The following MCM9 variants were observed in gnomAD, a reference collection of about 807,000 sequenced individuals.
MCM9 encodes minichromosome maintenance 9 homologous recombination repair factor, also known as DNA helicase MCM9.
In MCM9, 55 loss-of-function variants were observed where a neutral mutation model predicts 72.8. The ratio of observed to expected loss-of-function variants is 0.76; its 90% CI spans 0.61 to 0.95. MCM9 has a LOEUF of 0.95. MCM9 is among the 40% of genes least tolerant of loss of function. The pLI is 0.00. For synonymous variants in MCM9, 480 were observed against 503.4 expected, an observed-to-expected ratio of 0.95 and a Z score of 0.62; for missense variants, 1,279 against 1,377.0, an observed-to-expected ratio of 0.93 and a Z score of 1.13.
intron 8 of MCM9, chr6:118,905,867 T>A: frequency 6.8e-7 from 1 of 1,466,178 alleles, no homozygotes; most frequent in Non-Finnish European, 9.2e-7. Context: ...ACTTTTACTA[T>A]GCAATTTTTA....
At position 118,856,451 on chromosome 6, in the gene MCM9, C is replaced by T. The variant is rs551370873; in HGVS notation, c.1245G>A (p.Glu415=). Residue 415 remains glutamate, a synonymous_variant, in exon 9 of 14, where the codon GAG becomes GAA. Transcript: ENST00000619706. ...TATCATGCTCTTTGAGGCTATTGAA[C>T]TCATCAATACAGCAAAGGCCCGCAT... ...LADAGLCCID[E]FNSLKEHDRT... 3.9e-6 allele frequency: 6 copies of T among 1,535,570 alleles called. No homozygotes were observed. In the East Asian group the frequency reaches 1.2e-4, roughly 31 times the overall value.
chr6:118,895,987 G>C (rs972769772), intron 8 of MCM9, among the ~76,000 whole-genome samples: 3 of 150,936 alleles, frequency 2.0e-5, no homozygotes, highest in Non-Finnish European at 4.4e-5. Context: ...TGTACTCAGT[G>C]CCTTGCCCTA....
rs146105465 is a variant in MCM9, at chr6:118,834,891, C to T, written c.1326-5641G>A. Among the ~76,000 whole-genome samples the T allele has an allele frequency of 5.3e-3, 807 of 152,198 alleles. 8 individuals are homozygous for T. The highest frequency in any genetic ancestry group is 0.019 in the African/African-American group (781 of 41,528). Reference sequence around the variant, plus strand: ...CATTTGTCAATTCTGGCTTTTGTTGCCATTGCTTTTGGTGTTTTAGTCATG... The same window carrying T: ...CATTTGTCAATTCTGGCTTTTGTTGTCATTGCTTTTGGTGTTTTAGTCATG... On this transcript the variant is annotated intron_variant, in intron 9 of 13. Transcript: ENST00000619706.
chr6:118,857,252 A>G (rs1776618622), intron 8 of MCM9, among the ~76,000 whole-genome samples: 1 of 152,230 alleles, frequency 6.6e-6, no homozygotes, highest in African/African-American at 2.4e-5. Flanking sequence ...TTACATTCCA[A>G]TGATGAAAAT....
At position 118,815,935 on chromosome 6, in the gene MCM9, G is replaced by A. The variant is rs754615634; in HGVS notation, c.2321C>T (p.Ser774Leu). 4 of 1,549,400 alleles carry A rather than the reference G, an allele frequency of 2.6e-6. No individual in the cohort carries two copies. Among genetic ancestry groups the A allele is most frequent in the African/African-American group, 1.4e-5 (1 of 73,014 alleles). ...HPKTSGENMA[S>L]KISNSTSQGK... ...CTGAGATGTGCTGTTAGAGATCTTC[G>A]AAGCCATATTTTCTCCAGATGTTTT... is the stretch of plus-strand genomic sequence containing the variant. Residue 774 changes from serine to leucine, a missense_variant, in exon 14 of 14, where the codon TCG (serine) becomes TTG (leucine). Coordinates refer to ENST00000619706, the MANE Select transcript of MCM9 (RefSeq NM_017696.3).
chr6:118,913,375 A>G lies in MCM9; in HGVS notation c.950T>C (p.Met317Thr). 6.2e-7 allele frequency: 1 copy of G among 1,614,094 alleles called. No individual in the cohort carries two copies. The highest frequency in any genetic ancestry group is 8.5e-7 in the Non-Finnish European group (1 of 1,179,964). ...LASLCPQVFG[M>T]YLVKLAVAMV... ...GGCCACAGCAAGCTTTACTAGATAC[A>G]TTCCAAACACTTGAGGGCACAAGCT... The change falls in exon 7 of 14, where the codon ATG becomes ACG. Residue 317 changes from methionine (M) to threonine (T), a missense_variant. Coordinates refer to ENST00000619706, the MANE Select transcript of MCM9 (RefSeq NM_017696.3).
At chr6:118,911,031 G>A (rs2114579007) in intron 8 of MCM9, 1 of 984,110 alleles carries the variant, frequency 1.0e-6, no homozygotes, top group Admixed American at 6.1e-5. Flanking sequence ...ATACAAAATA[G>A]CATCAAACAT....
intron 9 of MCM9, among the ~76,000 whole-genome samples, chr6:118,847,020 T>C (rs1775916562): frequency 6.6e-6 from 1 of 151,636 alleles, no homozygotes; most frequent in Non-Finnish European, 1.5e-5. Flanking sequence ...TAAGCAAACA[T>C]TTGCAAATAG....
intron 8 of MCM9, among the ~76,000 whole-genome samples, chr6:118,873,345 A>G (rs773922115): frequency 8.5e-5 from 13 of 152,152 alleles, no homozygotes; most frequent in Non-Finnish European, 1.9e-4. Flanking sequence ...AACAAAACCA[A>G]AAGCTGGTTT....
At chr6:118,846,725 CT>C (rs1207356140) in intron 9 of MCM9, among the ~76,000 whole-genome samples, 1 of 151,728 alleles carries the variant, frequency 6.6e-6, no homozygotes, top group Non-Finnish European at 1.5e-5. Flanking sequence ...CAACCATCCC[CT>C]TATGGAAAAC....
At chr6:118,817,606 C>T (rs934696132) in intron 13 of MCM9, among the ~76,000 whole-genome samples, 2 of 152,148 alleles carry the variant, frequency 1.3e-5, no homozygotes, top group African/African-American at 2.4e-5. Context: ...CATACGTGTG[C>T]ATGTGTCTTT....
At chr6:118,874,560 C>A (rs1241918569) in intron 8 of MCM9, among the ~76,000 whole-genome samples, 1 of 152,128 alleles carries the variant, frequency 6.6e-6, no homozygotes, top group Non-Finnish European at 1.5e-5. Context: ...CACTGCTTTT[C>A]AACTTTGTAC....
chr6:118,923,900 A>G lies in MCM9; in HGVS notation c.532T>C (p.Cys178Arg), dbSNP rs1781645794. The part of the protein sequence containing the change: ...RPSSCPSLES[C>R]DSSKFTCLSG... ...AGGCAAGTGAATTTAGAGGAATCAC[A>G]GCTCTCCAAGCTGGGACACGAGGAT... is the stretch of plus-strand genomic sequence containing the variant. Residue 178 changes from cysteine (C) to arginine (R), a missense_variant, in exon 4 of 14, where the codon TGT (cysteine) becomes CGT (arginine). Cys to Arg is a radical substitution (Grantham distance 180). Transcript: ENST00000619706. 1 of 1,614,122 alleles carries G rather than the reference A, an allele frequency of 6.2e-7. No homozygotes were observed. The highest frequency in any genetic ancestry group is 1.3e-5 in the African/African-American group (1 of 74,950).
At chr6:118,840,050 C>T (rs533332892) in intron 9 of MCM9, among the ~76,000 whole-genome samples, 2 of 152,306 alleles carry the variant, frequency 1.3e-5, no homozygotes, top group Non-Finnish European at 2.9e-5. Context: ...TGCTCTGTCC[C>T]AGGAAGATGG....
chr6:118,934,379 A>G (rs1782714779), intron 1 of MCM9: 1 of 152,224 alleles, frequency 6.6e-6, no homozygotes, highest in Admixed American at 6.5e-5. Context: ...AAATAAAATC[A>G]TTTGCTTTAC....
chr6:118,922,778 T>G (rs1781536163), intron 4 of MCM9, among the ~76,000 whole-genome samples: 1 of 152,050 alleles, frequency 6.6e-6, no homozygotes, highest in Non-Finnish European at 1.5e-5. Flanking sequence ...ACATCTGTAA[T>G]CCCAGCACTT....
At chr6:118,829,368 G>C in intron 9 of MCM9, 118 bp from the exon 10 acceptor site, 1 of 856,502 alleles carries the variant, frequency 1.2e-6, no homozygotes, top group South Asian at 2.0e-5. Context: ...TCCTATGAAA[G>C]AAAATGTAGA....
intron 8 of MCM9, among the ~76,000 whole-genome samples, chr6:118,899,439 T>C (rs1583594638): frequency 6.6e-6 from 1 of 152,190 alleles, no homozygotes; most frequent in Non-Finnish European, 1.5e-5. Context: ...GCCCTACCCC[T>C]GGGCCTTTGT....
intron 9 of MCM9, among the ~76,000 whole-genome samples, chr6:118,848,878 T>C (rs1338948628): frequency 6.6e-6 from 1 of 151,922 alleles, no homozygotes; most frequent in Non-Finnish European, 1.5e-5. Flanking sequence ...GCTGAGATTG[T>C]GCCACTGCAC....
Sources: gnomAD v4.1 joint callset for allele counts (sites outside exome capture counted in the v4.1 genomes callset) on GRCh38, gnomAD v4.1.1 for gene constraint, MANE v1.5 for transcripts, NCBI Gene and HGNC (gene_info 2026-07-23, HGNC 2026-07-21) for gene names.